DAB2IP: variants seen among roughly 807,000 people sequenced by gnomAD.
DAB2IP encodes the protein disabled homolog 2-interacting protein.
DAB2IP carries 28 observed loss-of-function variants against 107.2 expected under a neutral mutation model. That is an observed-to-expected ratio of 0.26 (90% CI 0.19 to 0.36). DAB2IP has a LOEUF of 0.36. Among genes scored for constraint, DAB2IP ranks in the 10% least tolerant of loss-of-function variants. The pLI is 1.00. For missense variants in DAB2IP, 1,400 were observed against 1,644.7 expected (o/e 0.85, Z 2.57); for synonymous variants, 755 against 706.4 (o/e 1.07, Z -1.09).
intron 1 of DAB2IP, among the ~76,000 whole-genome samples, chr9:121,592,657 A>G (rs902267673): frequency 6.6e-6 from 1 of 152,222 alleles, no homozygotes; most frequent in Non-Finnish European, 1.5e-5. Context: ...CATCGTCTAG[A>G]GTCTGAACCA....
chr9:121,570,506 C>T (rs1829913646), intron 1 of DAB2IP, among the ~76,000 whole-genome samples: 1 of 152,064 alleles, frequency 6.6e-6, no homozygotes, highest in African/African-American at 2.4e-5. Flanking sequence ...GGGAGTTCAA[C>T]ATATGACTTG....
chr9:121,644,297 G>T (rs1832462342), intron 1 of DAB2IP, among the ~76,000 whole-genome samples: 1 of 151,496 alleles, frequency 6.6e-6, no homozygotes, highest in Non-Finnish European at 1.5e-5. Flanking sequence ...AGGAAAGAAA[G>T]AAAAGAAAGG....
intron 15 of DAB2IP, 55 bp downstream of exon 15, chr9:121,781,606 A>AG (rs3831352): frequency 0.069 from 107,576 of 1,557,362 alleles, 8,944 homozygotes; most frequent in African/African-American, 0.39. Flanking sequence ...TGGGATTAGG[A>AG]GGGGTGACTA....
intron 1 of DAB2IP, among the ~76,000 whole-genome samples, chr9:121,605,951 T>A (rs180776840): frequency 3.7e-4 from 56 of 152,306 alleles, no homozygotes; most frequent in African/African-American, 1.3e-3. Flanking sequence ...TGCACAGTTA[T>A]TTGTGGCCAG....
chr9:121,673,152 G>C (rs933919629), intron 1 of DAB2IP, among the ~76,000 whole-genome samples: 1 of 152,218 alleles, frequency 6.6e-6, no homozygotes, highest in African/African-American at 2.4e-5. Context: ...CTCAGAGAGA[G>C]AAAGGGGCAG....
intron 13 of DAB2IP, among the ~76,000 whole-genome samples, chr9:121,775,497 G>C (rs1419240913): frequency 1.3e-5 from 2 of 152,202 alleles, no homozygotes; most frequent in African/African-American, 4.8e-5. Context: ...GTGTCCTCAT[G>C]GCGTCTGGCC....
At chr9:121,774,630 A>T (rs2119019408) in intron 13 of DAB2IP, among the ~76,000 whole-genome samples, 1 of 152,322 alleles carries the variant, frequency 6.6e-6, no homozygotes, top group East Asian at 1.9e-4. Flanking sequence ...GAGGCTTCCC[A>T]TCTGCAGATT....
chr9:121,724,002 T>C (rs951573595), intron 3 of DAB2IP, among the ~76,000 whole-genome samples: 1 of 152,064 alleles, frequency 6.6e-6, no homozygotes, highest in African/African-American at 2.4e-5. Context: ...CCTGGGCCCA[T>C]GTTGGGGATG....
At chr9:121,632,414 A>G (rs1446661659) in intron 1 of DAB2IP, among the ~76,000 whole-genome samples, 1 of 152,152 alleles carries the variant, frequency 6.6e-6, no homozygotes, top group Non-Finnish European at 1.5e-5. Flanking sequence ...AACGCGGCCA[A>G]GTCTGAAGTT....
At chr9:121,756,823 G>A (rs1014341996) in intron 3 of DAB2IP, among the ~76,000 whole-genome samples, 190 bp from the exon 4 acceptor site, 2 of 152,226 alleles carry the variant, frequency 1.3e-5, no homozygotes, top group Non-Finnish European at 2.9e-5. Flanking sequence ...GACTCTTGCA[G>A]TCGGGAGGAG....
At chr9:121,661,688 T>C (rs1413502875) in intron 1 of DAB2IP, among the ~76,000 whole-genome samples, 3 of 151,914 alleles carry the variant, frequency 2.0e-5, no homozygotes, top group Non-Finnish European at 4.4e-5. Context: ...ACAACAACAA[T>C]AATAATGTTT....
intron 2 of DAB2IP, among the ~76,000 whole-genome samples, chr9:121,679,045 G>GTT (rs1828433831): frequency 6.6e-6 from 1 of 152,212 alleles, no homozygotes; most frequent in Admixed American, 6.5e-5. Flanking sequence ...ATGGGGCCCA[G>GTT]CGCTGAGCTG....
At chr9:121,770,432 G>T in intron 10 of DAB2IP, 114 bp from the exon 11 acceptor site, 1 of 1,193,484 alleles carries the variant, frequency 8.4e-7, no homozygotes, top group Non-Finnish European at 1.2e-6. Context: ...AGCAGGTGGG[G>T]ATCTGCACTT....
rs374791867 is a variant in DAB2IP, at chr9:121,639,875, C to T, written c.41-38803C>T. On this transcript the variant is annotated intron_variant, in intron 1 of 16. Transcript: ENST00000259371. ...TGGAATCACCTGTGGGACCACTGCC[C>T]GCTGATGAAAAATGCAGACTCCTGG... 1.9e-4 allele frequency among the ~76,000 whole-genome samples: 29 copies of T among 152,286 alleles called. No individual in the cohort carries two copies. In the East Asian group the frequency reaches 2.5e-3, roughly 13 times the overall value.
intron 6 of DAB2IP, among the ~76,000 whole-genome samples, chr9:121,761,792 C>T (rs758418449): frequency 4.6e-5 from 7 of 152,144 alleles, no homozygotes; most frequent in Non-Finnish European, 1.0e-4. Flanking sequence ...ACACTGGGGA[C>T]GTATGCTGGG....
In DAB2IP at chr9:121,672,665, C is replaced by T. The variant is rs181734142; in HGVS notation, c.125-6013C>T. ...GGCCTAATTTTGCAGACTAGGTGACCGAGAGGTCACATAGAAGTCATGCAA... is the reference window on the plus strand; with the variant it reads ...GGCCTAATTTTGCAGACTAGGTGACTGAGAGGTCACATAGAAGTCATGCAA... On this transcript the variant is annotated intron_variant, in intron 1 of 15. Coordinates refer to ENST00000408936, the Ensembl canonical transcript of DAB2IP. Among the ~76,000 whole-genome samples the T allele has an allele frequency of 1.0e-3, 156 of 152,146 alleles. 3 individuals carry two copies. Among genetic ancestry groups the T allele is most frequent in the South Asian group, 4.2e-4 (2 of 4,800 alleles).
chr9:121,585,439 G>T (rs1383880864), intron 1 of DAB2IP, among the ~76,000 whole-genome samples: 3 of 152,184 alleles, frequency 2.0e-5, no homozygotes, highest in African/African-American at 7.2e-5. Context: ...GATGTAATGA[G>T]TTGATACGGA....
At chr9:121,592,958 CAG>C (rs1295705741) in intron 1 of DAB2IP, among the ~76,000 whole-genome samples, 8 of 151,916 alleles carry the variant, frequency 5.3e-5, no homozygotes, top group Admixed American at 5.2e-4. Context: ...GCGCCTCACT[CAG>C]GGGGTGGCAC....
chr9:121,782,756 G>A lies in DAB2IP; in HGVS notation c.*258G>A. ...GCACGCTGGGGAGTGGGGACAGCCTGATGGGGCAGGGGGCCTGCCAAAAAT... is the reference window on the plus strand; with the variant it reads ...GCACGCTGGGGAGTGGGGACAGCCTAATGGGGCAGGGGGCCTGCCAAAAAT... On this transcript the variant is annotated 3_prime_UTR_variant, in exon 16 of 16. Coordinates refer to ENST00000408936, the Ensembl canonical transcript of DAB2IP. This position sits in a 1 kb window ranked among gnomAD's most constrained non-coding sequence, Gnocchi z 6.1. The A allele has an allele frequency of 1.5e-6, 2 of 1,346,256 alleles. No homozygotes were observed. The highest frequency in any genetic ancestry group is 1.9e-6 in the Non-Finnish European group (2 of 1,048,486). 83.4% of individuals were successfully genotyped at this position (1,346,256 alleles called of 1,614,324 possible).
Sources: allele counts gnomAD v4.1 joint callset (sites outside exome capture counted in the v4.1 genomes callset), GRCh38; gene constraint gnomAD v4.1.1; non-coding constraint Gnocchi (gnomAD v3.1); transcripts MANE v1.5; gene names NCBI Gene and HGNC (gene_info 2026-07-23, HGNC 2026-07-21).